The following TIGD6 variants were observed in gnomAD, a reference collection of about 807,000 sequenced individuals.
TIGD6 encodes tigger transposable element derived 6.
In TIGD6, 1 loss-of-function variant was observed where a neutral mutation model predicts 2.6. That is an observed-to-expected ratio of 0.39 (90% CI 0.14 to 1.85). The LOEUF is 1.85. Among genes scored for constraint, TIGD6 ranks in the 40% most tolerant of loss-of-function variants. TIGD6 has a pLI of 0.32. For synonymous variants in TIGD6, 193 were observed against 221.9 expected (o/e 0.87, Z 1.16); for missense variants, 601 against 634.2 (o/e 0.95, Z 0.56).
rs1214820500 is a variant in TIGD6 at position 149,994,731 on chromosome 5, C to CT, written c.*51dup. 3.8e-5 allele frequency: 55 copies of CT among 1,463,660 alleles called. No homozygotes were observed. Among genetic ancestry groups the CT allele is most frequent in the Non-Finnish European group, 4.6e-5 (51 of 1,104,614 alleles). 90.7% of individuals were successfully genotyped at this position (1,463,660 alleles called of 1,614,324 possible). ...TACTTAAATTGGCTCAACAACCTAT[C>CT]TAAAGAAATCTTTATTCTTGTAAAC... is the stretch of plus-strand genomic sequence containing the variant. On this transcript the variant is annotated 3_prime_UTR_variant, in exon 2 of 2. Transcript: ENST00000296736.
chr5:149,998,981 G>A (rs944602961), intron 1 of TIGD6, among the ~76,000 whole-genome samples: 2 of 152,148 alleles, frequency 1.3e-5, no homozygotes, highest in Non-Finnish European at 2.9e-5. Context: ...ATAATATGGT[G>A]GGCCTTAAAG....
At chr5:149,997,407 G>A (rs865830931) in intron 1 of TIGD6, among the ~76,000 whole-genome samples, 6 of 152,084 alleles carry the variant, frequency 3.9e-5, no homozygotes, top group Middle Eastern at 3.4e-3. Flanking sequence ...GCGTGGTGGC[G>A]GGTGCCTGTA....
At chr5:149,997,383 CA>C (rs1479340714) in intron 1 of TIGD6, among the ~76,000 whole-genome samples, 1 of 151,862 alleles carries the variant, frequency 6.6e-6, no homozygotes, top group East Asian at 2.0e-4. Flanking sequence ...ACTAAAAATA[CA>C]AAAATTAGCC....
chr5:149,996,386 G>A lies in TIGD6; in HGVS notation c.-38C>T. 1 of 1,543,946 alleles carries A rather than the reference G, an allele frequency of 6.5e-7. No homozygotes were observed. The highest frequency in any genetic ancestry group is 8.7e-7 in the Non-Finnish European group (1 of 1,148,364). On this transcript the variant is annotated 5_prime_UTR_variant, in exon 2 of 2. Coordinates refer to ENST00000296736, the MANE Select transcript of TIGD6 (RefSeq NM_030953.4). Reference sequence around the variant, plus strand: ...AGGGCTGGCCACAACTAACAGGACTGTCTGGTTCCTCCTCGCGGCTTGCTT... The same window carrying A: ...AGGGCTGGCCACAACTAACAGGACTATCTGGTTCCTCCTCGCGGCTTGCTT...
chr5:149,996,011 C>T lies in TIGD6; in HGVS notation c.338G>A (p.Gly113Asp). The change falls in exon 2 of 2, where the codon GGC becomes GAC. Residue 113 changes from glycine to aspartate, a missense_variant. Physicochemically the swap from Gly to Asp is moderately conservative, Grantham distance 94. Transcript: ENST00000296736. ...CACACTTGCTTGAAAATTGTCATAGCCAAGCATGTTGGCCAAGTTTAGTGC... is the reference window on the plus strand; with the variant it reads ...CACACTTGCTTGAAAATTGTCATAGTCAAGCATGTTGGCCAAGTTTAGTGC... ...KKALNLANML[G>D]YDNFQASVGW... The T allele has an allele frequency of 1.2e-6, 2 of 1,611,118 alleles. No individual in the cohort carries two copies. Among genetic ancestry groups the T allele is most frequent in the Non-Finnish European group, 1.7e-6 (2 of 1,180,016 alleles).
Position 149,996,070 on chromosome 5 carries a change from G to A in TIGD6, c.279C>T (p.Asn93=), listed in dbSNP as rs1185689522. ...FAWFQEIHAK[N]ILVTGSVIRK... Reference sequence around the variant, plus strand: ...GAATGACAGAACCAGTCACAAGAATGTTTTTGGCATGGATTTCTTGAAACC... The same window carrying A: ...GAATGACAGAACCAGTCACAAGAATATTTTTGGCATGGATTTCTTGAAACC... Residue 93 remains asparagine, a synonymous_variant, in exon 2 of 2, where the codon AAC becomes AAT. Transcript: ENST00000296736. 1 of 1,613,748 alleles carries A rather than the reference G, an allele frequency of 6.2e-7. No homozygotes were observed. Among genetic ancestry groups the A allele is most frequent in the Admixed American group, 1.7e-5 (1 of 60,014 alleles).
chr5:149,997,515 G>A lies in TIGD6; in HGVS notation c.-81-1086C>T, dbSNP rs557199963. Among the ~76,000 whole-genome samples the A allele has an allele frequency of 5.3e-5, 8 of 151,806 alleles. No homozygotes were observed. The East Asian group carries it at 7.8e-4, about 15-fold the overall frequency. ...ATCGTACATTTGCGTTCTAGCCTGG[G>A]CAACAAGAGCAAGACTCTGTCTCAA... On this transcript the variant is annotated intron_variant, in intron 1 of 1. Coordinates refer to ENST00000296736, the MANE Select transcript of TIGD6 (RefSeq NM_030953.4).
At chr5:149,997,381 T>C (rs776485791) in intron 1 of TIGD6, among the ~76,000 whole-genome samples, 2 of 151,560 alleles carry the variant, frequency 1.3e-5, no homozygotes, top group African/African-American at 2.4e-5. Flanking sequence ...CTACTAAAAA[T>C]ACAAAAATTA....
At chr5:149,998,432 T>C (rs1261869814) in intron 1 of TIGD6, among the ~76,000 whole-genome samples, 1 of 152,154 alleles carries the variant, frequency 6.6e-6, no homozygotes, top group Non-Finnish European at 1.5e-5. Flanking sequence ...GATTTAAGTC[T>C]TGGACCCTAG....
At chr5:149,999,225 T>C (rs919541219) in intron 1 of TIGD6, among the ~76,000 whole-genome samples, 3 of 152,176 alleles carry the variant, frequency 2.0e-5, no homozygotes, top group African/African-American at 7.2e-5. Flanking sequence ...AGATTTACAA[T>C]ATAGTCTTTT....
intron 1 of TIGD6, among the ~76,000 whole-genome samples, chr5:149,997,966 A>AAAT (rs1561838433): frequency 2.2e-4 from 33 of 151,108 alleles, no homozygotes; most frequent in Admixed American, 4.6e-4. Context: ...GTCTCAAAAA[A>AAAT]AAATAAATAA....
At chr5:149,998,456 A>G (rs1267096854) in intron 1 of TIGD6, among the ~76,000 whole-genome samples, 1 of 152,116 alleles carries the variant, frequency 6.6e-6, no homozygotes, top group Admixed American at 6.6e-5. Flanking sequence ...GGTGCTTCAA[A>G]CTCAAATGCC....
chr5:149,995,706 A>G lies in TIGD6; in HGVS notation c.643T>C (p.Cys215Arg), dbSNP rs774035789. ...KAKQRLTALF[C>R]CNASGTEKMR... ...TTTTCAGTCCCCGAGGCATTGCAAC[A>G]AAAGAGTGCTGTCAACCGCTGCTTT... is the stretch of plus-strand genomic sequence containing the variant. The change falls in exon 2 of 2, where the codon TGT (cysteine) becomes CGT (arginine). Residue 215 changes from cysteine (C) to arginine (R), a missense_variant. Transcript: ENST00000296736. The G allele has an allele frequency of 6.2e-7, 1 of 1,614,214 alleles. No homozygotes were observed. The highest frequency in any genetic ancestry group is 2.2e-5 in the East Asian group (1 of 44,876).
chr5:149,998,587 G>A (rs543837251), intron 1 of TIGD6, among the ~76,000 whole-genome samples: 13 of 152,278 alleles, frequency 8.5e-5, no homozygotes, highest in African/African-American at 2.4e-4. Context: ...CCTGCCCTAC[G>A]CTGGTCCAAC....
rs1188528532 is a variant in TIGD6 at position 149,995,979 on chromosome 5, G to A, written c.370C>T (p.Leu124=). The part of the protein sequence containing the change: ...YDNFQASVGW[L]NRFRDRHGIA... ...CCGTGGCGATCTCTAAATCTGTTCA[G>A]CCAGCCCACACTTGCTTGAAAATTG... Residue 124 remains leucine, a synonymous_variant, in exon 2 of 2, where the codon CTG becomes TTG. Transcript: ENST00000296736. The A allele has an allele frequency of 6.2e-7, 1 of 1,611,248 alleles. No homozygotes were observed.
At position 149,993,809 on chromosome 5, in the gene TIGD6, T is replaced by C. The variant is rs1006277241; in HGVS notation, c.*974A>G. 2.6e-5 allele frequency: 4 copies of C among 152,266 alleles called. No individual in the cohort carries two copies. Among genetic ancestry groups the C allele is most frequent in the African/African-American group, 9.7e-5 (4 of 41,442 alleles). 9.4% of individuals were successfully genotyped at this position (152,266 alleles called of 1,614,324 possible). ...CAGTGTGCATCAGTAGTCCCATCTA[T>C]TTGGGAGGATGGCTTGAGGCCAGGA... On this transcript the variant is annotated 3_prime_UTR_variant, in exon 2 of 2. Coordinates refer to ENST00000296736, the MANE Select transcript of TIGD6 (RefSeq NM_030953.4).
chr5:149,995,703 A>G lies in TIGD6; in HGVS notation c.646T>C (p.Cys216Arg). 1 of 1,614,206 alleles carries G rather than the reference A, an allele frequency of 6.2e-7. No homozygotes were observed. Among genetic ancestry groups the G allele is most frequent in the South Asian group, 1.1e-5 (1 of 91,078 alleles). ...ATTTTTTCAGTCCCCGAGGCATTGC[A>G]ACAAAAGAGTGCTGTCAACCGCTGC... ...AKQRLTALFC[C>R]NASGTEKMRP... The change falls in exon 2 of 2, where the codon TGC (cysteine) becomes CGC (arginine). Residue 216 changes from cysteine (C) to arginine (R), a missense_variant. Physicochemically the swap from Cys to Arg is radical, Grantham distance 180. Transcript: ENST00000296736.
chr5:149,996,976 A>G (rs1271760793), intron 1 of TIGD6, among the ~76,000 whole-genome samples: 1 of 152,232 alleles, frequency 6.6e-6, no homozygotes, highest in Non-Finnish European at 1.5e-5. Flanking sequence ...CATTCATTTT[A>G]TATTTACAGG....
rs1755391252 is a variant in TIGD6, at chr5:149,996,376, T to C, written c.-28A>G. ...CCAGGGAATGAGGGCTGGCCACAAC[T>C]AACAGGACTGTCTGGTTCCTCCTCG... On this transcript the variant is annotated 5_prime_UTR_variant, in exon 2 of 2. Coordinates refer to ENST00000296736, the MANE Select transcript of TIGD6 (RefSeq NM_030953.4). The C allele has an allele frequency of 6.4e-7, 1 of 1,570,764 alleles. No individual in the cohort carries two copies. The highest frequency in any genetic ancestry group is 1.4e-5 in the African/African-American group (1 of 73,474).
Sources: gnomAD v4.1 joint callset for allele counts (sites outside exome capture counted in the v4.1 genomes callset) on GRCh38, gnomAD v4.1.1 for gene constraint, MANE v1.5 for transcripts, NCBI Gene and HGNC (gene_info 2026-07-23, HGNC 2026-07-21) for gene names.